Variants in EMILIN2 observed in about 807,000 individuals in gnomAD.
The protein encoded by EMILIN2 is EMILIN-2.
A neutral mutation model predicts 87.1 loss-of-function variants in EMILIN2; 71 were observed. That is an observed-to-expected ratio of 0.82 (90% CI 0.67 to 0.99). EMILIN2 has a LOEUF of 0.99. Ranked by LOEUF, EMILIN2 falls within the 50% of genes least tolerant of loss-of-function variation. The pLI is 0.00. For missense variants in EMILIN2, 1,407 were observed against 1,371.8 expected (o/e 1.03, Z -0.40); for synonymous variants, 581 against 563.4 (o/e 1.03, Z -0.44).
rs1409666597 is a variant in EMILIN2, at chr18:2,903,794, C to A, written c.2360-2989C>A. 2.6e-5 allele frequency among the ~76,000 whole-genome samples: 4 copies of A among 152,074 alleles called. No homozygotes were observed. The East Asian group carries it at 7.7e-4, about 29-fold the overall frequency. On this transcript the variant is annotated intron_variant, in intron 4 of 7. Transcript: ENST00000254528. ...AGTTCCATTTTTTTTAAAAATTGACCTCCCTCCTGGAATTCTTGCTCTTTC... is the reference window on the plus strand; with the variant it reads ...AGTTCCATTTTTTTTAAAAATTGACATCCCTCCTGGAATTCTTGCTCTTTC...
chr18:2,851,090 GA>G (rs113621895), intron 2 of EMILIN2, among the ~76,000 whole-genome samples: 10,851 of 130,236 alleles, frequency 0.083, 1,239 homozygotes, highest in African/African-American at 0.27. Context: ...GGCTCTGATG[GA>G]AAAAAAAAAA....
intron 2 of EMILIN2, among the ~76,000 whole-genome samples, chr18:2,855,101 G>T (rs766619808): frequency 4.6e-5 from 7 of 152,286 alleles, no homozygotes; most frequent in African/African-American, 1.7e-4. Flanking sequence ...AATCCCAGGC[G>T]CCCAGCCCTC....
At chr18:2,884,457 G>A (rs1329108360) in intron 2 of EMILIN2, among the ~76,000 whole-genome samples, 1 of 152,062 alleles carries the variant, frequency 6.6e-6, no homozygotes, top group East Asian at 1.9e-4. Context: ...TGTTAGCCAG[G>A]CTAGTCTCGA....
intron 2 of EMILIN2, among the ~76,000 whole-genome samples, chr18:2,870,107 G>A (rs1327382779): frequency 6.6e-6 from 1 of 152,086 alleles, no homozygotes; most frequent in African/African-American, 2.4e-5. Context: ...TGGGCGTGGT[G>A]GTGCACGCCT....
intron 2 of EMILIN2, among the ~76,000 whole-genome samples, chr18:2,860,002 G>C (rs575736427): frequency 6.6e-6 from 1 of 152,168 alleles, no homozygotes; most frequent in Non-Finnish European, 1.5e-5. Flanking sequence ...GTCAGATAAT[G>C]TGATGCCTCC....
chr18:2,895,493 C>T (rs1178581175), intron 4 of EMILIN2, among the ~76,000 whole-genome samples: 1 of 152,222 alleles, frequency 6.6e-6, no homozygotes, highest in Non-Finnish European at 1.5e-5. Flanking sequence ...TTCTGTAGGT[C>T]AGGAACCCCG....
rs73939056 is a variant in EMILIN2, at chr18:2,853,941, G to A, written c.257+6010G>A. The stretch of plus-strand genomic sequence containing the variant: ...TGTTTCTTCTCTTTATTGGACTGGC[G>A]TTGTTTTCTTTCATGCTTCCAAATT... On this transcript the variant is annotated intron_variant, in intron 2 of 7. Transcript: ENST00000254528. Among the ~76,000 whole-genome samples, 588 of 152,324 alleles carry A rather than the reference G, an allele frequency of 3.9e-3. 1 individual carries two copies. The highest frequency in any genetic ancestry group is 0.014 in the Middle Eastern group (4 of 294).
intron 5 of EMILIN2, among the ~76,000 whole-genome samples, 167 bp from the exon 6 acceptor site, chr18:2,908,776 T>C (rs576476429): frequency 1.3e-4 from 20 of 152,292 alleles, no homozygotes; most frequent in Middle Eastern, 3.4e-3. Flanking sequence ...CAAATGTGCC[T>C]CTGCTTGAAG....
upstream of EMILIN2, chr18:2,846,755 G>GT: frequency 6.1e-6 from 6 of 985,442 alleles, no homozygotes; most frequent in Non-Finnish European, 7.2e-6. This position sits in a 1 kb window ranked among gnomAD's most constrained non-coding sequence, Gnocchi z 5.3. Context: ...GTGGGAGGCG[G>GT]AGTCGCTCGG....
upstream of EMILIN2, chr18:2,846,703 G>A (rs2076575287): frequency 3.1e-6 from 3 of 976,640 alleles, no homozygotes; most frequent in Admixed American, 6.1e-5. This position sits in a 1 kb window ranked among gnomAD's most constrained non-coding sequence, Gnocchi z 5.3. Context: ...ACTCGCCGAC[G>A]GCGGCCGCGT....
chr18:2,903,543 C>T (rs1233368247), intron 4 of EMILIN2, among the ~76,000 whole-genome samples: 2 of 152,108 alleles, frequency 1.3e-5, no homozygotes, highest in Non-Finnish European at 2.9e-5. Flanking sequence ...TATATTGACC[C>T]CCCCTTCCTC....
intron 4 of EMILIN2, among the ~76,000 whole-genome samples, chr18:2,893,172 G>A (rs1002991703): frequency 3.3e-5 from 5 of 152,174 alleles, no homozygotes; most frequent in African/African-American, 1.2e-4. Flanking sequence ...CAGATGGATA[G>A]CCAAATATTA....
chr18:2,851,727 G>A (rs903245059), intron 2 of EMILIN2, among the ~76,000 whole-genome samples: 2 of 152,184 alleles, frequency 1.3e-5, no homozygotes, highest in Non-Finnish European at 2.9e-5. Flanking sequence ...ATATTGTTAT[G>A]TGCAACCAGG....
chr18:2,897,931 G>A (rs1416202464), intron 4 of EMILIN2, among the ~76,000 whole-genome samples: 1 of 151,424 alleles, frequency 6.6e-6, no homozygotes, highest in Non-Finnish European at 1.5e-5. Flanking sequence ...CTCGTGTATC[G>A]ATAGTTTTTT....
rs1176640510 is a variant in EMILIN2 at position 2,848,165 on chromosome 18, G to A, written c.257+234G>A. Among the ~76,000 whole-genome samples the A allele has an allele frequency of 6.6e-6, 1 of 152,220 alleles. No individual in the cohort carries two copies. Among genetic ancestry groups the A allele is most frequent in the African/African-American group, 2.4e-5 (1 of 41,464 alleles). ...GGATGCGCGCGCCTCGGGAGTGTGG[G>A]GTCGCGGGGGCGTAGGAGAGGATGA... On this transcript the variant is annotated intron_variant, in intron 2 of 7. Transcript: ENST00000254528. This position sits in a 1 kb window ranked among gnomAD's most constrained non-coding sequence, Gnocchi z 4.1.
rs774207444 is a variant in EMILIN2, at chr18:2,891,893, C to G, written c.1766C>G (p.Thr589Arg). 6.2e-7 allele frequency: 1 copy of G among 1,614,202 alleles called. No individual in the cohort carries two copies. The highest frequency in any genetic ancestry group is 8.5e-7 in the Non-Finnish European group (1 of 1,180,044). ...CACCTTTTGAAATCTCTCAACGACA[C>G]GATGCACAGGAAGTTTCAAGAAACC... ...SLHLLKSLND[T>R]MHRKFQETEQ... Residue 589 changes from threonine (T) to arginine (R), a missense_variant, in exon 4 of 8, where the codon ACG becomes AGG. By Grantham distance (71) the Thr-to-Arg change is moderately conservative (BLOSUM62 -1). Transcript: ENST00000254528. The surrounding 1 kb of genome is among the most constrained non-coding windows in gnomAD (Gnocchi z 4.6).
chr18:2,852,497 G>A (rs2076606393), intron 2 of EMILIN2, among the ~76,000 whole-genome samples: 1 of 152,186 alleles, frequency 6.6e-6, no homozygotes. Context: ...TACTAGTTTT[G>A]TGTGTAAGTA....
chr18:2,903,565 CAG>C (rs2076897518), intron 4 of EMILIN2, among the ~76,000 whole-genome samples: 1 of 152,160 alleles, frequency 6.6e-6, no homozygotes, highest in Admixed American at 6.5e-5. Flanking sequence ...CAATTCCCAA[CAG>C]AGTTATCCTA....
At chr18:2,850,184 C>T (rs1234001013) in intron 2 of EMILIN2, among the ~76,000 whole-genome samples, 2 of 151,294 alleles carry the variant, frequency 1.3e-5, no homozygotes, top group African/African-American at 4.9e-5. Flanking sequence ...AGGCAATCCG[C>T]CCGCCTCAGC....
Sources: gnomAD v4.1 joint callset for allele counts (sites outside exome capture counted in the v4.1 genomes callset) on GRCh38, gnomAD v4.1.1 for gene constraint, Gnocchi (gnomAD v3.1) non-coding constraint, MANE v1.5 for transcripts, NCBI Gene and HGNC (gene_info 2026-07-23, HGNC 2026-07-21) for gene names.